The following PROKR2 variants were observed in gnomAD, a reference collection of about 807,000 sequenced individuals.
PROKR2 encodes G protein-coupled receptor 73-like 1.
PROKR2 carries 26 observed loss-of-function variants against 23.4 expected under a neutral mutation model. That is an observed-to-expected ratio of 1.11 (90% CI 0.81 to 1.54). PROKR2 has a LOEUF of 1.54. PROKR2 is among the 40% of genes most tolerant of loss of function. PROKR2 has a pLI of 0.00. For missense variants in PROKR2, 453 were observed against 511.5 expected (o/e 0.89, Z 1.10); for synonymous variants, 212 against 201.2 (o/e 1.05, Z -0.45).
intron 2 of PROKR2, among the ~76,000 whole-genome samples, chr20:5,312,266 C>T (rs1334726778): frequency 6.6e-6 from 1 of 152,174 alleles, no homozygotes; most frequent in Non-Finnish European, 1.5e-5. Context: ...GCCACCACGC[C>T]CAACTAATTT....
intron 2 of PROKR2, among the ~76,000 whole-genome samples, chr20:5,304,728 C>T (rs367920548): frequency 2.0e-5 from 3 of 152,172 alleles, no homozygotes; most frequent in South Asian, 2.1e-4. Context: ...AAGAACCATA[C>T]GTGGATTTTA....
At chr20:5,304,762 A>T (rs563973455) in intron 2 of PROKR2, among the ~76,000 whole-genome samples, 3 of 152,328 alleles carry the variant, frequency 2.0e-5, no homozygotes, top group African/African-American at 7.2e-5. Context: ...GTAGTCTCTT[A>T]AAAAGATGAT....
chr20:5,303,428 C>CA (rs2122206447), intron 2 of PROKR2, among the ~76,000 whole-genome samples: 1 of 152,280 alleles, frequency 6.6e-6, no homozygotes, highest in South Asian at 2.1e-4. Context: ...TGCCCAAGCT[C>CA]ACATCATGCA....
rs77211943 is a variant in PROKR2 at position 5,300,373 on chromosome 20, C to T, written c.*1667G>A. On this transcript the variant is annotated 3_prime_UTR_variant, in exon 3 of 3. Transcript: ENST00000678254. ...AGAACAGGGATCCCTTTTTGGCCCA[C>T]TGTAGACAAGGTACACTGTGAAGTC... 0.015 allele frequency among the ~76,000 whole-genome samples: 2,318 copies of T among 152,224 alleles called. 51 individuals are homozygous for T. The highest frequency in any genetic ancestry group is 0.043 in the African/African-American group (1,796 of 41,526).
chr20:5,303,295 TC>T (rs1166103252), intron 2 of PROKR2, among the ~76,000 whole-genome samples: 3 of 152,178 alleles, frequency 2.0e-5, no homozygotes, highest in African/African-American at 2.4e-5. Flanking sequence ...TGGGAGCCTT[TC>T]TCAGGGCAGT....
At chr20:5,313,452 T>C (rs1488466885) in intron 2 of PROKR2, among the ~76,000 whole-genome samples, 1 of 152,142 alleles carries the variant, frequency 6.6e-6, no homozygotes, top group Admixed American at 6.5e-5. Flanking sequence ...ATCAGATTGG[T>C]GGTTGCCTGG....
intron 2 of PROKR2, among the ~76,000 whole-genome samples, chr20:5,313,359 A>T (rs1380914972): frequency 6.6e-6 from 1 of 152,244 alleles, no homozygotes; most frequent in Non-Finnish European, 1.5e-5. Flanking sequence ...GCTCTGCAAC[A>T]AAGTCTATCA....
chr20:5,312,078 C>T (rs1825037730), intron 2 of PROKR2, among the ~76,000 whole-genome samples: 1 of 152,150 alleles, frequency 6.6e-6, no homozygotes, highest in Non-Finnish European at 1.5e-5. Flanking sequence ...GGGATTCCCA[C>T]TCAAGAGGGT....
At chr20:5,313,791 C>T (rs2122222093) in intron 2 of PROKR2, 121 bp downstream of exon 2, 2 of 865,624 alleles carry the variant, frequency 2.3e-6, no homozygotes, top group East Asian at 5.3e-5. Context: ...ACAAGACCTC[C>T]TCTTGCCCTC....
intron 2 of PROKR2, 87 bp from the exon 3 acceptor site, chr20:5,302,823 T>A: frequency 1.0e-6 from 1 of 959,452 alleles, no homozygotes; most frequent in Non-Finnish European, 1.7e-6. Flanking sequence ...ACTAAAGCAG[T>A]GGCACAGTGA....
intron 1 of PROKR2, chr20:5,315,919 C>G (rs1301203332): frequency 2.2e-6 from 1 of 456,458 alleles, no homozygotes; most frequent in Non-Finnish European, 4.4e-6. Context: ...GGGACAGGTC[C>G]CAGCCGCATT....
chr20:5,311,084 A>G (rs979436861), intron 2 of PROKR2, among the ~76,000 whole-genome samples: 1 of 152,236 alleles, frequency 6.6e-6, no homozygotes, highest in African/African-American at 2.4e-5. Flanking sequence ...TTTCAGGAAG[A>G]TCCATCAATG....
intron 2 of PROKR2, 133 bp from the exon 3 acceptor site, chr20:5,302,869 TC>T (rs1979065482): frequency 7.1e-6 from 5 of 703,390 alleles, no homozygotes; most frequent in South Asian, 5.3e-5. Flanking sequence ...TTAACAAGCT[TC>T]ATCTTATTTT....
intron 2 of PROKR2, among the ~76,000 whole-genome samples, chr20:5,305,611 TAAAC>T (rs1409657354): frequency 6.6e-6 from 1 of 151,938 alleles, no homozygotes; most frequent in African/African-American, 2.4e-5. Context: ...GAAGCACAAA[TAAAC>T]AAGGCAAAGC....
chr20:5,308,736 C>T (rs2122215058), intron 2 of PROKR2, among the ~76,000 whole-genome samples: 1 of 152,278 alleles, frequency 6.6e-6, no homozygotes, highest in Middle Eastern at 3.4e-3. Context: ...AATTCTATCC[C>T]ACTTACCTTT....
rs755621527 is a variant in PROKR2 at position 5,302,227 on chromosome 20, A to G, written c.968T>C (p.Met323Thr). Residue 323 changes from methionine to threonine, a missense_variant, in exon 3 of 3, where the codon ATG becomes ACG. Physicochemically the swap from Met to Thr is moderately conservative, Grantham distance 81 (BLOSUM62 -1). Transcript: ENST00000678254. ...TAFYVVECIA[M>T]SNSMINTVCF... ...CACGGTGTTGATCATGCTGTTGCTCATGGCGATGCACTCGACCACGTAGAA... is the reference window on the plus strand; with the variant it reads ...CACGGTGTTGATCATGCTGTTGCTCGTGGCGATGCACTCGACCACGTAGAA... 3 of 1,614,202 alleles carry G rather than the reference A, an allele frequency of 1.9e-6. No individual in the cohort carries two copies. The highest frequency in any genetic ancestry group is 3.3e-5 in the Admixed American group (2 of 60,026).
rs755562438 is a variant in PROKR2 at position 5,302,191 on chromosome 20, G to C, written c.1004C>G (p.Thr335Arg). ...NSMINTVCFV[T>R]VKNNTMKYFK... is the part of the protein sequence containing the mutation. ...GTACTTCATGGTGTTGTTCTTGACC[G>C]TCACGAAGCACACGGTGTTGATCAT... Residue 335 changes from threonine (T) to arginine (R), a missense_variant, in exon 3 of 3, where the codon ACG (threonine) becomes AGG (arginine). Coordinates refer to ENST00000678254, the MANE Select transcript of PROKR2 (RefSeq NM_144773.4). 6.2e-7 allele frequency: 1 copy of C among 1,614,194 alleles called. No homozygotes were observed. Among genetic ancestry groups the C allele is most frequent in the East Asian group, 2.2e-5 (1 of 44,878 alleles).
chr20:5,311,241 A>C (rs1009430469), intron 2 of PROKR2, among the ~76,000 whole-genome samples: 1 of 152,206 alleles, frequency 6.6e-6, no homozygotes, highest in Non-Finnish European at 1.5e-5. Flanking sequence ...AGCTGCCATG[A>C]CTTGGTGTAT....
intron 2 of PROKR2, among the ~76,000 whole-genome samples, chr20:5,303,267 A>G (rs2180574): frequency 0.52 from 79,573 of 152,026 alleles, 20,860 homozygotes; most frequent in African/African-American, 0.57. Flanking sequence ...GGAAGGGCTT[A>G]TGGCCCCCAG....
Sources: allele counts gnomAD v4.1 joint callset (sites outside exome capture counted in the v4.1 genomes callset), GRCh38; gene constraint gnomAD v4.1.1; transcripts MANE v1.5; gene names NCBI Gene and HGNC (gene_info 2026-07-23, HGNC 2026-07-21).